SERPINA10: variants seen among roughly 807,000 people sequenced by gnomAD.
The protein encoded by SERPINA10 is protein Z-dependent protease inhibitor.
Under a neutral mutation model 28.0 loss-of-function variants are expected in SERPINA10, and 24 were observed. The observed-to-expected ratio is 0.86, with a 90% confidence interval of 0.62 to 1.20. The LOEUF (loss-of-function observed/expected upper bound fraction) is 1.20. Among genes scored for constraint, SERPINA10 ranks in the 50% most tolerant of loss-of-function variants. The pLI is 0.00. For synonymous variants in SERPINA10, 207 were observed against 203.9 expected (o/e 1.02, Z -0.13); for missense variants, 521 against 537.7 (o/e 0.97, Z 0.31).
chr14:94,288,666 C>T (rs991146381), intron 2 of SERPINA10, 107 bp from the exon 3 acceptor site: 26 of 1,438,308 alleles, frequency 1.8e-5, no homozygotes, highest in South Asian at 5.9e-5. Context: ...TCTCACTTCT[C>T]GTCTTCTCGT....
chr14:94,289,746 G>A (rs1895112668), intron 2 of SERPINA10, 130 bp downstream of exon 2: 2 of 1,055,212 alleles, frequency 1.9e-6, no homozygotes, highest in South Asian at 1.3e-5. Flanking sequence ...GTATCAATCT[G>A]TTTTTGAAAC....
chr14:94,286,091 G>T lies in SERPINA10; in HGVS notation c.1143+17C>A, dbSNP rs1188299677. ...TTTCATGCTGAGGTTGGGCTCTGAT[G>T]AAAGATCCTGACTTACCCTGGATAC... On this transcript the variant is annotated intron_variant, in intron 4 of 4. Coordinates refer to ENST00000261994, the MANE Select transcript of SERPINA10 (RefSeq NM_001100607.3). 1 of 1,614,086 alleles carries T rather than the reference G, an allele frequency of 6.2e-7. No individual in the cohort carries two copies. The highest frequency in any genetic ancestry group is 8.5e-7 in the Non-Finnish European group (1 of 1,179,940).
rs934596340 is a variant in SERPINA10 at position 94,282,469 on chromosome 14, C to A, written c.*1496G>T. Reference sequence around the variant, plus strand: ...AAGTTCATGCTTATATTCTGTTTAACCCCCATGGGTAGCTGTAGTGCATGC... The same window carrying A: ...AAGTTCATGCTTATATTCTGTTTAAACCCCATGGGTAGCTGTAGTGCATGC... On this transcript the variant is annotated 3_prime_UTR_variant, in exon 5 of 5. Transcript: ENST00000261994. 11 of 152,118 alleles carry A rather than the reference C, an allele frequency of 7.2e-5. No individual in the cohort carries two copies. The highest frequency in any genetic ancestry group is 2.2e-4 in the African/African-American group (9 of 41,418). The allele number at this position is 152,118 out of a possible 1,614,324, so 9.4% of individuals were successfully genotyped here.
At position 94,290,447 on chromosome 14, in the gene SERPINA10, C is replaced by T. The variant is rs1395477322; in HGVS notation, c.147G>A (p.Glu49=). ...SRVVQAPKEE[E]EDEQEASEEK... ...CCTCGCTGGCCTCCTGCTCATCTTC[C>T]TCTTCCTCCTTGGGAGCCTGCACTA... Residue 49 remains glutamate (E), a synonymous_variant, in exon 2 of 5, where the codon GAG becomes GAA. Transcript: ENST00000261994. 1.4e-5 allele frequency: 22 copies of T among 1,613,726 alleles called. No homozygotes were observed. The highest frequency in any genetic ancestry group is 1.8e-5 in the Non-Finnish European group (21 of 1,179,754).
intron 1 of SERPINA10, among the ~76,000 whole-genome samples, chr14:94,290,970 G>T (rs954674126): frequency 2.0e-5 from 3 of 152,098 alleles, no homozygotes; most frequent in Non-Finnish European, 4.4e-5. Context: ...AGAAGGTGGG[G>T]GTCCAAGCAG....
Position 94,280,674 on chromosome 14 carries a change from G to C in SERPINA10, c.*3291C>G, listed in dbSNP as rs1411348637. ...GGCAAAGAAAAATCTCCCTCCATCT[G>C]TAGTTGTAGGGAAAAGGGACATCTT... On this transcript the variant is annotated 3_prime_UTR_variant, in exon 5 of 5. Transcript: ENST00000261994. The C allele has an allele frequency of 6.6e-6, 1 of 152,148 alleles. No homozygotes were observed. The highest frequency in any genetic ancestry group is 2.4e-5 in the African/African-American group (1 of 41,446). 9.4% of individuals were successfully genotyped at this position (152,148 alleles called of 1,614,324 possible). A position where few individuals can be genotyped will look rare whatever the true frequency, so the allele number is the denominator to read the frequency against.
intron 3 of SERPINA10, among the ~76,000 whole-genome samples, chr14:94,287,356 A>G (rs1177129037): frequency 6.6e-6 from 1 of 152,146 alleles, no homozygotes; most frequent in Non-Finnish European, 1.5e-5. Flanking sequence ...TGCTAAGGCC[A>G]AAAACTTTGT....
rs148484749 is a variant in SERPINA10, at chr14:94,291,174, A to G, written c.-50-531T>C. On this transcript the variant is annotated intron_variant, in intron 1 of 4. Transcript: ENST00000261994. ...TTGGAGCTTTCCTGGATTTTTTATC[A>G]AAATTCTCTTTGCACTGCACCTCTG... is the stretch of plus-strand genomic sequence containing the variant. Among the ~76,000 whole-genome samples the G allele has an allele frequency of 6.6e-3, 1,004 of 152,310 alleles. 12 individuals carry two copies. Among genetic ancestry groups the G allele is most frequent in the African/African-American group, 0.022 (898 of 41,568 alleles).
rs1189616196 is a variant in SERPINA10 at position 94,286,200 on chromosome 14, G to T, written c.1051C>A (p.Leu351Met). Residue 351 changes from leucine (L) to methionine (M), a missense_variant, in exon 4 of 5, where the codon CTG becomes ATG. Leu to Met is a conservative substitution (Grantham distance 15). Coordinates refer to ENST00000261994, the MANE Select transcript of SERPINA10 (RefSeq NM_001100607.3). ...CTTCTGATTCCCATCTGCCTAAGCA[G>T]CTCATGCATCTCATACTTCTGATCT... ...KLDQKYEMHELLRQMGIRRIF... is the reference protein window; with the variant it reads ...KLDQKYEMHEMLRQMGIRRIF... 1.9e-6 allele frequency: 3 copies of T among 1,613,964 alleles called. No individual in the cohort carries two copies. Among genetic ancestry groups the T allele is most frequent in the East Asian group, 2.2e-5 (1 of 44,866 alleles).
chr14:94,290,631 G>C lies in SERPINA10; in HGVS notation c.-38C>G. The C allele has an allele frequency of 6.2e-7, 1 of 1,609,588 alleles. No homozygotes were observed. The highest frequency in any genetic ancestry group is 1.3e-5 in the African/African-American group (1 of 75,038). ...GGAGGCCAAGGAGTGCCTCCCTTCA[G>C]CTGCAAGACTTCCTGTGGAGAGGAG... On this transcript the variant is annotated 5_prime_UTR_variant, in exon 2 of 5. Coordinates refer to ENST00000261994, the MANE Select transcript of SERPINA10 (RefSeq NM_001100607.3).
Position 94,280,882 on chromosome 14 carries a change from T to C in SERPINA10, c.*3083A>G, listed in dbSNP as rs1670483974. The C allele has an allele frequency of 6.6e-6, 1 of 152,214 alleles. No individual in the cohort carries two copies. Among genetic ancestry groups the C allele is most frequent in the South Asian group, 2.1e-4 (1 of 4,832 alleles). The allele number at this position is 152,214 out of a possible 1,614,324, so 9.4% of individuals were successfully genotyped here. Reference sequence around the variant, plus strand: ...ACATAAAGTTTTTCTTTATAACCTCTTACACATTTAAAAAATCATTTCTAT... The same window carrying C: ...ACATAAAGTTTTTCTTTATAACCTCCTACACATTTAAAAAATCATTTCTAT... On this transcript the variant is annotated 3_prime_UTR_variant, in exon 5 of 5. Coordinates refer to ENST00000261994, the MANE Select transcript of SERPINA10 (RefSeq NM_001100607.3).
Position 94,284,107 on chromosome 14 carries a change from A to G in SERPINA10, c.1193T>C (p.Val398Ala). ...AGTAATTTCTGACAAGATTCCTGCC[A>G]CTGCCTCAGTGCCCCTTTCATCAAC... Reference protein sequence around the residue: ...IEVDERGTEAVAGILSEITAY... With the variant: ...IEVDERGTEAAAGILSEITAY... Residue 398 changes from valine (V) to alanine (A), a missense_variant, in exon 5 of 5, where the codon GTG becomes GCG. Physicochemically the swap from Val to Ala is moderately conservative, Grantham distance 64. Coordinates refer to ENST00000261994, the MANE Select transcript of SERPINA10 (RefSeq NM_001100607.3). The G allele has an allele frequency of 6.2e-7, 1 of 1,614,210 alleles. No homozygotes were observed. The highest frequency in any genetic ancestry group is 1.7e-4 in the Middle Eastern group (1 of 6,060).
intron 1 of SERPINA10, among the ~76,000 whole-genome samples, chr14:94,292,262 C>A (rs575810700): frequency 4.6e-5 from 7 of 152,250 alleles, no homozygotes; most frequent in Non-Finnish European, 8.8e-5. Context: ...AAGAAGAGAG[C>A]AGAGTCCCCC....
chr14:94,285,552 CACAT>C (rs1371199869), intron 4 of SERPINA10, among the ~76,000 whole-genome samples: 59 of 150,766 alleles, frequency 3.9e-4, no homozygotes, highest in East Asian at 1.2e-3. Flanking sequence ...CATTTATACA[CACAT>C]ACATATATAC....
intron 2 of SERPINA10, 147 bp from the exon 3 acceptor site, chr14:94,288,706 G>A: frequency 4.3e-6 from 5 of 1,159,436 alleles, no homozygotes; most frequent in Admixed American, 4.1e-5. Flanking sequence ...CCCTAATTGG[G>A]TTGGCTTTTC....
chr14:94,292,734 T>A (rs1452175834), intron 1 of SERPINA10: 2 of 699,378 alleles, frequency 2.9e-6, no homozygotes, highest in Non-Finnish European at 5.2e-6. Flanking sequence ...CTTTGGAGTC[T>A]AGGCCAGGAG....
chr14:94,284,407 G>A (rs1471268957), intron 4 of SERPINA10, among the ~76,000 whole-genome samples: 1 of 152,142 alleles, frequency 6.6e-6, no homozygotes, highest in East Asian at 1.9e-4. Flanking sequence ...AACACATTCC[G>A]GGCATGGACT....
intron 1 of SERPINA10, chr14:94,292,631 C>T: frequency 1.4e-6 from 1 of 701,726 alleles, no homozygotes; most frequent in Non-Finnish European, 2.6e-6. Context: ...GGAGCTTGTC[C>T]TGCAGTCTGC....
intron 3 of SERPINA10, among the ~76,000 whole-genome samples, chr14:94,287,665 C>T (rs1458972690): frequency 6.6e-6 from 1 of 152,160 alleles, no homozygotes; most frequent in Non-Finnish European, 1.5e-5. Context: ...TCAGGAAAGC[C>T]CAAGTCTTTT....
Sources: gnomAD v4.1 joint callset for allele counts (sites outside exome capture counted in the v4.1 genomes callset) on GRCh38, gnomAD v4.1.1 for gene constraint, MANE v1.5 for transcripts, NCBI Gene and HGNC (gene_info 2026-07-23, HGNC 2026-07-21) for gene names.